SGCZ: variants seen among roughly 807,000 people sequenced by gnomAD.
SGCZ encodes the protein sarcoglycan zeta.
SGCZ carries 40 observed loss-of-function variants against 41.3 expected under a neutral mutation model. The observed-to-expected ratio is 0.97, with a 90% CI of 0.75 to 1.26. SGCZ has a LOEUF of 1.26. Ranked by LOEUF, SGCZ falls within the 50% of genes most tolerant of loss-of-function variation. SGCZ has a pLI of 0.00. For synonymous variants in SGCZ, 206 were observed against 137.5 expected (o/e 1.50, Z -3.49); for missense variants, 552 against 369.8 (o/e 1.49, Z -4.04).
intron 1 of SGCZ, among the ~76,000 whole-genome samples, chr8:14,559,157 G>A (rs1804130172): frequency 6.6e-6 from 1 of 151,956 alleles, no homozygotes; most frequent in African/African-American, 2.4e-5. Context: ...AAGAAATAAA[G>A]GGCATCCAAA....
At chr8:14,668,011 C>A (rs1807971589) in intron 1 of SGCZ, among the ~76,000 whole-genome samples, 1 of 152,134 alleles carries the variant, frequency 6.6e-6, no homozygotes, top group East Asian at 1.9e-4. Flanking sequence ...GGCTGTAGTG[C>A]AGTGGCACAA....
chr8:14,212,792 G>T (rs1805861905), intron 4 of SGCZ, among the ~76,000 whole-genome samples: 1 of 151,998 alleles, frequency 6.6e-6, no homozygotes, highest in Non-Finnish European at 1.5e-5. Context: ...AAGCAATAAT[G>T]AAACTGTTTC....
chr8:14,985,986 A>G (rs1332467975), intron 1 of SGCZ, among the ~76,000 whole-genome samples: 1 of 152,190 alleles, frequency 6.6e-6, no homozygotes, highest in Non-Finnish European at 1.5e-5. Context: ...TTATTGAATT[A>G]GTAACCACTC....
At chr8:14,255,237 G>A (rs1799419373) in intron 3 of SGCZ, among the ~76,000 whole-genome samples, 1 of 152,038 alleles carries the variant, frequency 6.6e-6, no homozygotes, top group Non-Finnish European at 1.5e-5. Context: ...CATAATTGTT[G>A]GTAATTTCAG....
At chr8:14,219,037 T>A (rs548546505) in intron 4 of SGCZ, among the ~76,000 whole-genome samples, 1 of 152,342 alleles carries the variant, frequency 6.6e-6, no homozygotes, top group South Asian at 2.1e-4. Context: ...GATAAGTGGG[T>A]GCCTCATGTG....
intron 1 of SGCZ, among the ~76,000 whole-genome samples, chr8:15,084,091 T>A (rs1419293756): frequency 2.0e-5 from 3 of 152,228 alleles, no homozygotes; most frequent in Non-Finnish European, 4.4e-5. Flanking sequence ...ATTATCTGCC[T>A]GGTTTAAAAT....
intron 3 of SGCZ, among the ~76,000 whole-genome samples, chr8:14,243,229 T>C (rs1488674617): frequency 6.6e-6 from 1 of 152,198 alleles, no homozygotes; most frequent in African/African-American, 2.4e-5. Flanking sequence ...TTACCGAAGT[T>C]TGTATAGTTT....
At chr8:15,112,305 T>A (rs2116931476) in intron 1 of SGCZ, among the ~76,000 whole-genome samples, 1 of 152,382 alleles carries the variant, frequency 6.6e-6, no homozygotes, top group South Asian at 2.1e-4. Context: ...TAAATTTGTT[T>A]TATCTTCAAG....
intron 5 of SGCZ, among the ~76,000 whole-genome samples, chr8:14,145,141 G>T (rs1055449160): frequency 1.3e-5 from 2 of 152,170 alleles, no homozygotes; most frequent in African/African-American, 2.4e-5. Flanking sequence ...ACCCAGTGCT[G>T]TGCTGGCTTC....
intron 4 of SGCZ, among the ~76,000 whole-genome samples, chr8:14,196,520 C>T (rs1002766976): frequency 1.4e-4 from 22 of 152,112 alleles, no homozygotes; most frequent in African/African-American, 4.1e-4. Context: ...CATGAAACAG[C>T]GATTTCACTG....
intron 2 of SGCZ, among the ~76,000 whole-genome samples, chr8:14,447,615 C>T (rs73517483): frequency 6.6e-6 from 1 of 152,062 alleles, no homozygotes; most frequent in African/African-American, 2.4e-5. Flanking sequence ...TCCCCATAAC[C>T]TAAACACATA....
chr8:14,681,225 C>A (rs184858771), intron 1 of SGCZ, among the ~76,000 whole-genome samples: 1 of 151,948 alleles, frequency 6.6e-6, no homozygotes, highest in Admixed American at 6.6e-5. Context: ...TTGCAATCAG[C>A]CTGAGGGAGG....
chr8:14,178,755 T>G lies in SGCZ; in HGVS notation c.425-14053A>C, dbSNP rs148207972. On this transcript the variant is annotated intron_variant, in intron 4 of 7. Transcript: ENST00000382080. ...GTTTTGTCTAATGTCTAGGTTATCA[T>G]GAATAATACAGATAAACTGTTAAAG... Among the ~76,000 whole-genome samples the G allele has an allele frequency of 1.5e-4, 23 of 152,324 alleles. No individual in the cohort carries two copies. In the East Asian group the frequency reaches 3.1e-3, roughly 20 times the overall value.
intron 1 of SGCZ, among the ~76,000 whole-genome samples, chr8:14,653,523 A>G (rs1051806020): frequency 2.6e-5 from 4 of 152,118 alleles, no homozygotes; most frequent in African/African-American, 9.7e-5. Flanking sequence ...ACAATTGTTT[A>G]AAAAACAAAC....
chr8:15,179,047 T>G (rs544571648), intron 1 of SGCZ, among the ~76,000 whole-genome samples: 53 of 152,288 alleles, frequency 3.5e-4, no homozygotes, highest in Non-Finnish European at 1.5e-5. Flanking sequence ...AAACTACGTA[T>G]TATATCCATG....
intron 1 of SGCZ, among the ~76,000 whole-genome samples, chr8:14,745,997 AATT>A (rs1286176306): frequency 6.6e-6 from 1 of 152,074 alleles, no homozygotes; most frequent in Non-Finnish European, 1.5e-5. Context: ...GTGCAATAAC[AATT>A]ATTATTCTCT....
chr8:15,082,693 T>C (rs996656349), intron 1 of SGCZ, among the ~76,000 whole-genome samples: 7 of 152,174 alleles, frequency 4.6e-5, no homozygotes, highest in African/African-American at 1.7e-4. Context: ...TTTACATCTA[T>C]TATCCCTGAG....
chr8:14,643,810 C>T (rs1045596106), intron 1 of SGCZ, among the ~76,000 whole-genome samples: 1 of 151,626 alleles, frequency 6.6e-6, no homozygotes, highest in Admixed American at 6.6e-5. Flanking sequence ...TTGAAGGTTG[C>T]CTCTATCATG....
rs539899088 is a variant in SGCZ at position 14,552,530 on chromosome 8, AAAAT to A, written c.234+2198_234+2201del. Reference sequence around the variant, plus strand: ...GACATGCTTCAAAGGAAAACGTAAAAAAATAAATAAATAAATACCAACACTCCTA... The same window carrying A: ...GACATGCTTCAAAGGAAAACGTAAAAAAATAAATAAATACCAACACTCCTA... On this transcript the variant is annotated intron_variant, in intron 2 of 7. Coordinates refer to ENST00000382080, the MANE Select transcript of SGCZ (RefSeq NM_139167.4). Among the ~76,000 whole-genome samples the A allele has an allele frequency of 2.8e-3, 424 of 152,224 alleles. 3 individuals carry two copies. The highest frequency in any genetic ancestry group is 9.7e-3 in the African/African-American group (405 of 41,562).
Sources: gnomAD v4.1 joint callset for allele counts (sites outside exome capture counted in the v4.1 genomes callset) on GRCh38, gnomAD v4.1.1 for gene constraint, MANE v1.5 for transcripts, NCBI Gene and HGNC (gene_info 2026-07-23, HGNC 2026-07-21) for gene names.